Variants in FAM234A observed in about 807,000 individuals in gnomAD.
FAM234A encodes protein FAM234A.
A neutral mutation model predicts 49.1 loss-of-function variants in FAM234A; 42 were observed. The ratio of observed to expected loss-of-function variants is 0.86; its 90% CI spans 0.67 to 1.11. The LOEUF (loss-of-function observed/expected upper bound fraction) is 1.11, where lower values mean the gene tolerates loss of function less well. Among genes scored for constraint, FAM234A ranks in the 50% least tolerant of loss-of-function variants. The pLI is 0.00. For missense variants in FAM234A, 815 were observed against 745.2 expected (o/e 1.09, Z -1.09); for synonymous variants, 369 against 316.2 (o/e 1.17, Z -1.77).
downstream of FAM234A, chr16:269,214 C>A: frequency 7.7e-7 from 1 of 1,295,718 alleles, no homozygotes; most frequent in Admixed American, 2.0e-5. Context: ...GTGGCTGCTG[C>A]ATTCACGCAG....
chr16:251,240 G>A (rs1346335597), intron 2 of FAM234A, among the ~76,000 whole-genome samples: 1 of 152,192 alleles, frequency 6.6e-6, no homozygotes, highest in African/African-American at 2.4e-5. Context: ...ACAGGCGTGA[G>A]CCACTGCGCC....
intron 2 of FAM234A, among the ~76,000 whole-genome samples, chr16:251,408 T>C (rs2141256163): frequency 6.6e-6 from 1 of 152,076 alleles, no homozygotes; most frequent in Admixed American, 6.6e-5. Flanking sequence ...GGGGTCTTGC[T>C]CTGTCACCCA....
chr16:261,018 T>A (rs2051443964), intron 5 of FAM234A, among the ~76,000 whole-genome samples: 1 of 151,926 alleles, frequency 6.6e-6, no homozygotes, highest in Non-Finnish European at 1.5e-5. Flanking sequence ...GTGGGTGAGG[T>A]CAGGCTTCAT....
rs2051654334 is a variant in FAM234A, at chr16:265,285, C to G, written c.*263C>G. On this transcript the variant is annotated 3_prime_UTR_variant, in exon 13 of 13. Transcript: ENST00000399932. ...CCTCACTCTGCACCCCACCAGGGTCCCGCTCACACCAGGCAGCCTTCATAG... is the reference window on the plus strand; with the variant it reads ...CCTCACTCTGCACCCCACCAGGGTCGCGCTCACACCAGGCAGCCTTCATAG... 7.7e-7 allele frequency: 1 copy of G among 1,292,692 alleles called. No homozygotes were observed. The highest frequency in any genetic ancestry group is 3.2e-5 in the East Asian group (1 of 31,090). 80.1% of individuals were successfully genotyped at this position (1,292,692 alleles called of 1,614,324 possible). A position where few individuals can be genotyped will look rare whatever the true frequency, so the allele number is the denominator to read the frequency against.
At chr16:248,549 C>T (rs2050894466) in intron 1 of FAM234A, among the ~76,000 whole-genome samples, 1 of 151,982 alleles carries the variant, frequency 6.6e-6, no homozygotes, top group Non-Finnish European at 1.5e-5. Flanking sequence ...CCATATGAAA[C>T]TGGTACCATG....
In FAM234A at chr16:264,988, G is replaced by T. The variant is rs748959817; in HGVS notation, c.1625G>T (p.Arg542Leu). ...GPDSDQAIRD[R>L]FSRLRYQSEA Reference sequence around the variant, plus strand: ...GACAGTGACCAAGCCATCAGGGACCGGTTCTCCCGGCTGCGGTACCAGAGT... The same window carrying T: ...GACAGTGACCAAGCCATCAGGGACCTGTTCTCCCGGCTGCGGTACCAGAGT... The change falls in exon 13 of 13, where the codon CGG becomes CTG. Residue 542 changes from arginine (R) to leucine (L), a missense_variant. Coordinates refer to ENST00000399932, the MANE Select transcript of FAM234A (RefSeq NM_032039.4). The T allele has an allele frequency of 3.1e-6, 5 of 1,610,988 alleles. No homozygotes were observed.
intron 1 of FAM234A, among the ~76,000 whole-genome samples, chr16:244,120 C>T (rs1357390131): frequency 6.6e-6 from 1 of 152,112 alleles, no homozygotes; most frequent in Non-Finnish European, 1.5e-5. Context: ...AGGCACCCGC[C>T]ACCACGCCCG....
At chr16:269,138 C>T (rs934230243), downstream of FAM234A, 6 of 906,290 alleles carry the variant, frequency 6.6e-6, no homozygotes, top group African/African-American at 3.3e-5. Flanking sequence ...GAAGACTGGG[C>T]CCCCTGGGCA....
At chr16:269,886 G>T (rs570421943), downstream of FAM234A, 201 of 346,864 alleles carry the variant, frequency 5.8e-4, 2 homozygotes, top group South Asian at 7.8e-3. Context: ...GGCTCCGTGT[G>T]CCCCACAGAG....
intron 2 of FAM234A, among the ~76,000 whole-genome samples, chr16:250,015 G>A (rs1371133958): frequency 2.6e-5 from 4 of 152,038 alleles, no homozygotes; most frequent in Admixed American, 1.3e-4. Context: ...GCGCGATCTC[G>A]GCTCACTGCA....
intron 1 of FAM234A, chr16:240,414 T>A (rs185079780): frequency 1.5e-4 from 23 of 152,310 alleles, no homozygotes; most frequent in Admixed American, 5.9e-4. Flanking sequence ...AGAAAAATAC[T>A]GAGTTCTCTG....
chr16:244,111 G>A (rs1458995427), intron 1 of FAM234A, among the ~76,000 whole-genome samples: 2 of 151,938 alleles, frequency 1.3e-5, no homozygotes, highest in Non-Finnish European at 2.9e-5. Flanking sequence ...TGGGACTACA[G>A]GCACCCGCCA....
chr16:262,516 A>T lies in FAM234A; in HGVS notation c.934A>T (p.Met312Leu), dbSNP rs775331747. The T allele has an allele frequency of 1.2e-6, 2 of 1,611,220 alleles. No homozygotes were observed. Residue 312 changes from methionine to leucine, a missense_variant, in exon 8 of 13, where the codon ATG becomes TTG. Coordinates refer to ENST00000399932, the MANE Select transcript of FAM234A (RefSeq NM_032039.4). ...PFKSDPHWES[M>L]LNATTRRMLS... ...CAAGAGTGACCCGCACTGGGAGAGC[A>T]TGCTCAATGCCACCACCCGCAGGAT...
Position 259,998 on chromosome 16 carries a change from G to A in FAM234A, c.415G>A (p.Ala139Thr), listed in dbSNP as rs767600242. Residue 139 changes from alanine (A) to threonine (T), a missense_variant, in exon 5 of 13, where the codon GCT (alanine) becomes ACT (threonine). Transcript: ENST00000399932. Reference protein sequence around the residue: ...GFSSPCTFAAAVSGANGSTLW... With the variant: ...GFSSPCTFAATVSGANGSTLW... Reference sequence around the variant, plus strand: ...TTCCTCTCCCTGCACCTTTGCAGCTGCTGTGTCGGGGGCCAACGGCAGCAC... The same window carrying A: ...TTCCTCTCCCTGCACCTTTGCAGCTACTGTGTCGGGGGCCAACGGCAGCAC... The A allele has an allele frequency of 1.9e-6, 3 of 1,613,472 alleles. No individual in the cohort carries two copies. The highest frequency in any genetic ancestry group is 2.5e-6 in the Non-Finnish European group (3 of 1,180,008).
chr16:235,129 A>T (rs1188157801), intron 1 of FAM234A, among the ~76,000 whole-genome samples: 1 of 152,162 alleles, frequency 6.6e-6, no homozygotes, highest in African/African-American at 2.4e-5. Flanking sequence ...TTTCAGTGGC[A>T]TTCAGAACAA....
intron 3 of FAM234A, among the ~76,000 whole-genome samples, chr16:256,987 C>T (rs1215536953): frequency 6.6e-6 from 1 of 152,154 alleles, no homozygotes; most frequent in Non-Finnish European, 1.5e-5. Context: ...GGTGATTGGC[C>T]TGCCTCAGCA....
At chr16:255,145 C>T (rs771729901) in intron 3 of FAM234A, among the ~76,000 whole-genome samples, 55 of 152,150 alleles carry the variant, frequency 3.6e-4, no homozygotes, top group Non-Finnish European at 4.6e-4. Flanking sequence ...TGAGCCACAG[C>T]GCCTGGCCCT....
Position 244,248 on chromosome 16 carries a change from G to A in FAM234A, c.-139-5301G>A, listed in dbSNP as rs150631071. On this transcript the variant is annotated intron_variant, in intron 1 of 12. Transcript: ENST00000399932. ...CTCCCAAAGTGCTGGGATTACAGGCGTGAGCCACCGCGCCCGGTCGGAAAA... is the reference window on the plus strand; with the variant it reads ...CTCCCAAAGTGCTGGGATTACAGGCATGAGCCACCGCGCCCGGTCGGAAAA... Among the ~76,000 whole-genome samples, 133 of 152,284 alleles carry A rather than the reference G, an allele frequency of 8.7e-4. 1 individual carries two copies. Among genetic ancestry groups the A allele is most frequent in the East Asian group, 6.8e-3 (35 of 5,180 alleles).
intron 1 of FAM234A, among the ~76,000 whole-genome samples, chr16:245,888 T>C (rs1391106480): frequency 6.6e-6 from 1 of 152,162 alleles, no homozygotes; most frequent in Admixed American, 6.6e-5. Context: ...TATTTTCTTT[T>C]AGTTTAATGT....
Sources: gnomAD v4.1 joint callset for allele counts (sites outside exome capture counted in the v4.1 genomes callset) on GRCh38, gnomAD v4.1.1 for gene constraint, MANE v1.5 for transcripts, NCBI Gene and HGNC (gene_info 2026-07-23, HGNC 2026-07-21) for gene names.